ADK: variants seen among roughly 807,000 people sequenced by gnomAD.
The protein encoded by ADK is adenosine kinase.
In ADK, 24 loss-of-function variants were observed where a neutral mutation model predicts 44.7. The observed-to-expected ratio is 0.54, with a 90% CI of 0.39 to 0.76. ADK has a LOEUF of 0.76. ADK is among the 30% of genes least tolerant of loss of function. The pLI, the probability that ADK is intolerant of heterozygous loss-of-function variation, is 0.00. For missense variants in ADK, 321 were observed against 425.1 expected (o/e 0.76, Z 2.15); for synonymous variants, 128 against 142.6 (o/e 0.90, Z 0.73).
intron 6 of ADK, among the ~76,000 whole-genome samples, chr10:74,522,297 T>C (rs958503381): frequency 6.6e-6 from 1 of 152,168 alleles, no homozygotes; most frequent in Non-Finnish European, 1.5e-5. Flanking sequence ...AGCCAGCAAG[T>C]CCTGTCTGTT....
At chr10:74,505,152 C>T (rs1848018038) in intron 6 of ADK, among the ~76,000 whole-genome samples, 2 of 152,064 alleles carry the variant, frequency 1.3e-5, no homozygotes, top group Non-Finnish European at 2.9e-5. Context: ...TGTAACTTTA[C>T]AGAAATACGT....
chr10:74,473,772 G>T (rs1024917712), intron 6 of ADK, among the ~76,000 whole-genome samples: 2 of 152,096 alleles, frequency 1.3e-5, no homozygotes, highest in African/African-American at 2.4e-5. Flanking sequence ...TTGTCTATTT[G>T]TTCCTTTCCA....
intron 10 of ADK, among the ~76,000 whole-genome samples, chr10:74,697,127 T>C (rs1030097641): frequency 5.3e-5 from 8 of 152,186 alleles, no homozygotes; most frequent in Admixed American, 4.6e-4. Flanking sequence ...GTCTACTATA[T>C]ATAAAAGGTT....
intron 4 of ADK, among the ~76,000 whole-genome samples, chr10:74,368,918 C>T (rs750531187): frequency 2.6e-5 from 4 of 152,124 alleles, no homozygotes; most frequent in Admixed American, 6.5e-5. Flanking sequence ...CACGAGCCAC[C>T]GCATCCTGCC....
rs111860629 is a variant in ADK, at chr10:74,168,693, A to T, written c.65+17350A>T. Among the ~76,000 whole-genome samples the T allele has an allele frequency of 1.1e-4, 16 of 150,860 alleles. 1 individual carries two copies. The highest frequency in any genetic ancestry group is 3.4e-4 in the African/African-American group (14 of 41,158). On this transcript the variant is annotated intron_variant, in intron 1 of 10. Transcript: ENST00000539909. ...AGTGGCATGACCTCGGCCCACTGCA[A>T]CCTCCACCTCCCGGGTTCAAGCGAT...
At chr10:74,333,278 A>C (rs369357884) in intron 4 of ADK, among the ~76,000 whole-genome samples, 2 of 152,198 alleles carry the variant, frequency 1.3e-5, no homozygotes, top group African/African-American at 4.8e-5. Flanking sequence ...AAAATATGGC[A>C]TCTACAGTAT....
chr10:74,165,671 T>C (rs1842016717), intron 1 of ADK, among the ~76,000 whole-genome samples: 1 of 151,802 alleles, frequency 6.6e-6, no homozygotes, highest in South Asian at 2.1e-4. Flanking sequence ...CTCTGACTCA[T>C]GTGTCTTGCT....
intron 6 of ADK, among the ~76,000 whole-genome samples, chr10:74,515,705 A>T (rs907348768): frequency 6.6e-6 from 1 of 152,124 alleles, no homozygotes; most frequent in African/African-American, 2.4e-5. Flanking sequence ...CCTGGGCCAT[A>T]TCACCTTCTC....
chr10:74,706,145 G>A (rs1222621185), intron 10 of ADK, among the ~76,000 whole-genome samples: 2 of 152,118 alleles, frequency 1.3e-5, no homozygotes, highest in Non-Finnish European at 2.9e-5. Context: ...ACCAACCTGA[G>A]CATCTCTACA....
At chr10:74,461,967 A>G (rs1846186225) in intron 6 of ADK, among the ~76,000 whole-genome samples, 1 of 152,110 alleles carries the variant, frequency 6.6e-6, no homozygotes, top group South Asian at 2.1e-4. Context: ...TACAGGTTGC[A>G]TATGGTATCT....
At chr10:74,660,748 AAG>A (rs1491164113) in intron 9 of ADK, among the ~76,000 whole-genome samples, 2 of 150,334 alleles carry the variant, frequency 1.3e-5, no homozygotes, top group African/African-American at 4.9e-5. Flanking sequence ...AAAAAAAAAA[AAG>A]AGGCCAGGCG....
chr10:74,364,918 T>C (rs1412350830), intron 4 of ADK, among the ~76,000 whole-genome samples: 1 of 152,136 alleles, frequency 6.6e-6, no homozygotes, highest in Non-Finnish European at 1.5e-5. Flanking sequence ...TCCAGTTTAT[T>C]CACTTCTCTT....
At chr10:74,544,279 T>G (rs1431767941) in intron 7 of ADK, among the ~76,000 whole-genome samples, 1 of 152,236 alleles carries the variant, frequency 6.6e-6, no homozygotes, top group Non-Finnish European at 1.5e-5. Flanking sequence ...ATCACAAAGT[T>G]GGACTTTCTG....
chr10:74,544,025 T>C (rs1849739969), intron 7 of ADK, among the ~76,000 whole-genome samples: 1 of 152,174 alleles, frequency 6.6e-6, no homozygotes, highest in African/African-American at 2.4e-5. Flanking sequence ...CATGTTTTCT[T>C]ATCATCAATA....
chr10:74,423,662 G>A (rs1844658505), intron 6 of ADK: 3 of 419,638 alleles, frequency 7.1e-6, no homozygotes, highest in South Asian at 5.9e-5. Flanking sequence ...TTGCTGGCCA[G>A]GTCTGCCTTG....
At chr10:74,422,295 C>A (rs561075436) in intron 6 of ADK, among the ~76,000 whole-genome samples, 21 of 152,282 alleles carry the variant, frequency 1.4e-4, no homozygotes, top group African/African-American at 4.8e-4. Context: ...ATAAGTTGAG[C>A]ATTCCTGAAA....
intron 7 of ADK, among the ~76,000 whole-genome samples, chr10:74,558,458 C>T (rs749702936): frequency 2.3e-4 from 35 of 152,176 alleles, no homozygotes; most frequent in Non-Finnish European, 4.3e-4. Context: ...ATGCTGTTCT[C>T]ATGACAGGAG....
chr10:74,172,786 A>G (rs994557138), intron 1 of ADK, among the ~76,000 whole-genome samples: 1 of 150,992 alleles, frequency 6.6e-6, no homozygotes, highest in African/African-American at 2.4e-5. Flanking sequence ...AATACAAAAA[A>G]TTTGCCAGGC....
intron 1 of ADK, among the ~76,000 whole-genome samples, chr10:74,169,609 A>G (rs939822110): frequency 6.6e-6 from 1 of 152,204 alleles, no homozygotes; most frequent in African/African-American, 2.4e-5. Context: ...TAAAGATTGT[A>G]TTTTGTTTGA....
Sources: allele counts gnomAD v4.1 joint callset (sites outside exome capture counted in the v4.1 genomes callset), GRCh38; gene constraint gnomAD v4.1.1; transcripts MANE v1.5; gene names NCBI Gene and HGNC (gene_info 2026-07-23, HGNC 2026-07-21).